Variants in DPYSL3 observed in about 807,000 individuals in gnomAD.
DPYSL3 encodes the protein dihydropyrimidinase-related protein 3.
In DPYSL3, 16 loss-of-function variants were observed where a neutral mutation model predicts 66.1. The ratio of observed to expected loss-of-function variants is 0.24; its 90% CI spans 0.16 to 0.37. DPYSL3 has a LOEUF of 0.37. Among genes scored for constraint, DPYSL3 ranks in the 10% least tolerant of loss-of-function variants. DPYSL3 has a pLI of 1.00. For missense variants in DPYSL3, 738 were observed against 916.2 expected, an observed-to-expected ratio of 0.81 and a Z score of 2.51; for synonymous variants, 338 against 345.1, an observed-to-expected ratio of 0.98 and a Z score of 0.23.
At chr5:147,415,965 C>T in intron 3 of DPYSL3, 92 bp from the exon 4 acceptor site, 1 of 1,381,752 alleles carries the variant, frequency 7.2e-7, no homozygotes, top group Non-Finnish European at 9.8e-7. Context: ...GCTGTGACTG[C>T]AGAATCTCTA....
chr5:147,431,783 T>C (rs1752321230), intron 1 of DPYSL3, among the ~76,000 whole-genome samples: 1 of 152,104 alleles, frequency 6.6e-6, no homozygotes, highest in Admixed American at 6.5e-5. Flanking sequence ...ACAGGGCAAG[T>C]TCCCATGGCC....
rs539208255 is a variant in DPYSL3 at position 147,424,434 on chromosome 5, T to C, written c.470+441A>G. On this transcript the variant is annotated intron_variant, in intron 2 of 13. Coordinates refer to ENST00000343218, the MANE Select transcript of DPYSL3 (RefSeq NM_001197294.2). ...AATTATACATCCCTAATGAATTTAT[T>C]TGCAAATCTTGCATGAAATCTATGT... 2.0e-5 allele frequency among the ~76,000 whole-genome samples: 3 copies of C among 152,350 alleles called. No homozygotes were observed. The East Asian group carries it at 5.8e-4, about 29-fold the overall frequency.
intron 8 of DPYSL3, among the ~76,000 whole-genome samples, chr5:147,404,207 A>AG (rs1314335032): frequency 3.3e-5 from 5 of 152,226 alleles, no homozygotes; most frequent in African/African-American, 1.2e-4. Flanking sequence ...CCAGTGGAGC[A>AG]ACCACTCCAT....
At chr5:147,427,974 C>T (rs1444025944) in intron 1 of DPYSL3, among the ~76,000 whole-genome samples, 2 of 152,120 alleles carry the variant, frequency 1.3e-5, no homozygotes, top group African/African-American at 4.8e-5. Flanking sequence ...GACACGCAGC[C>T]CTGAGCCACT....
At chr5:147,442,911 G>C (rs545607364) in intron 1 of DPYSL3, among the ~76,000 whole-genome samples, 2 of 151,870 alleles carry the variant, frequency 1.3e-5, no homozygotes, top group East Asian at 3.9e-4. Flanking sequence ...TTTCATTGTA[G>C]CTTATTTTTA....
chr5:147,489,136 T>C (rs1581216029), intron 1 of DPYSL3, among the ~76,000 whole-genome samples: 1 of 152,204 alleles, frequency 6.6e-6, no homozygotes, highest in African/African-American at 2.4e-5. Context: ...GGTGTCTTTC[T>C]AGGGCCTCCT....
At chr5:147,405,756 A>G (rs755624735) in intron 7 of DPYSL3, 26 bp from the exon 8 acceptor site, 128 of 1,599,846 alleles carry the variant, frequency 8.0e-5, no homozygotes, top group Non-Finnish European at 1.0e-4. Context: ...TCCAGGAGTC[A>G]ATAGAAACAT....
chr5:147,446,641 G>A (rs1752634845), intron 1 of DPYSL3, among the ~76,000 whole-genome samples: 1 of 152,246 alleles, frequency 6.6e-6, no homozygotes. Flanking sequence ...CAGGGATAGA[G>A]AGTGAGAAAG....
chr5:147,504,727 G>A (rs933086008), intron 1 of DPYSL3, among the ~76,000 whole-genome samples: 1 of 152,298 alleles, frequency 6.6e-6, no homozygotes, highest in East Asian at 1.9e-4. Flanking sequence ...TGCACCCAGA[G>A]CCCTTGCCAA....
chr5:147,504,977 G>A (rs555476665), intron 1 of DPYSL3, among the ~76,000 whole-genome samples: 2 of 152,330 alleles, frequency 1.3e-5, no homozygotes, highest in African/African-American at 4.8e-5. Flanking sequence ...GCATGGAAAA[G>A]CATCTTGAGA....
At chr5:147,453,697 C>T (rs1752788927) in intron 1 of DPYSL3, 1 of 1,349,340 alleles carries the variant, frequency 7.4e-7, no homozygotes. Flanking sequence ...GTGAATGGTG[C>T]GCTGGCCGCG....
At chr5:147,490,386 C>A (rs1753398006) in intron 1 of DPYSL3, among the ~76,000 whole-genome samples, 1 of 151,968 alleles carries the variant, frequency 6.6e-6, no homozygotes, top group African/African-American at 2.4e-5. Context: ...ACATATAAAA[C>A]CACAACTGAA....
At chr5:147,496,828 G>A (rs934118514) in intron 1 of DPYSL3, among the ~76,000 whole-genome samples, 1 of 151,920 alleles carries the variant, frequency 6.6e-6, no homozygotes, top group African/African-American at 2.4e-5. Context: ...CAACCATTGT[G>A]GAAGTCAGTG....
At chr5:147,396,596 G>A (rs1181640927) in intron 12 of DPYSL3, among the ~76,000 whole-genome samples, 1 of 152,180 alleles carries the variant, frequency 6.6e-6, no homozygotes, top group Admixed American at 6.5e-5. Flanking sequence ...CAGCACAGAA[G>A]CCGAGCCCAT....
intron 1 of DPYSL3, among the ~76,000 whole-genome samples, chr5:147,439,626 T>C (rs1298106288): frequency 6.6e-6 from 1 of 152,108 alleles, no homozygotes; most frequent in Non-Finnish European, 1.5e-5. Context: ...TTATCATGAA[T>C]AGAGAACGAA....
At chr5:147,415,163 A>C (rs1397914087) in intron 4 of DPYSL3, among the ~76,000 whole-genome samples, 6 of 152,214 alleles carry the variant, frequency 3.9e-5, no homozygotes, top group African/African-American at 1.4e-4. Context: ...ATATACATAT[A>C]CATGAACATG....
chr5:147,444,397 G>C (rs1752592031), intron 1 of DPYSL3, among the ~76,000 whole-genome samples: 1 of 152,114 alleles, frequency 6.6e-6, no homozygotes, highest in Admixed American at 6.5e-5. Context: ...CAATAAATGT[G>C]AATTATTCTT....
rs924076557 is a variant in DPYSL3 at position 147,453,732 on chromosome 5, C to T, written c.382-28769G>A. On this transcript the variant is annotated intron_variant, in intron 1 of 13. Transcript: ENST00000343218. Reference sequence around the variant, plus strand: ...GCCGCCGCCTCCGCCCGCCTCCGCCCCCCTCCCGGGCTCCCGCGGCGGCTG... The same window carrying T: ...GCCGCCGCCTCCGCCCGCCTCCGCCTCCCTCCCGGGCTCCCGCGGCGGCTG... The T allele has an allele frequency of 5.3e-4, 695 of 1,317,690 alleles. 1 individual carries two copies. Among genetic ancestry groups the T allele is most frequent in the Non-Finnish European group, 6.3e-4 (648 of 1,033,266 alleles). 81.6% of individuals were successfully genotyped at this position (1,317,690 alleles called of 1,614,324 possible). A position where few individuals can be genotyped will look rare whatever the true frequency, so the allele number is the denominator to read the frequency against.
chr5:147,425,729 A>C (rs987264538), intron 1 of DPYSL3, among the ~76,000 whole-genome samples: 2 of 152,228 alleles, frequency 1.3e-5, no homozygotes, highest in African/African-American at 4.8e-5. Context: ...AATGCAAGTT[A>C]TTAACAAAGT....
Sources: allele counts gnomAD v4.1 joint callset (sites outside exome capture counted in the v4.1 genomes callset), GRCh38; gene constraint gnomAD v4.1.1; transcripts MANE v1.5; gene names NCBI Gene and HGNC (gene_info 2026-07-23, HGNC 2026-07-21).